The following ADGRG7 variants were observed in gnomAD, a reference collection of about 807,000 sequenced individuals.
The protein encoded by ADGRG7 is adhesion G protein-coupled receptor G7.
ADGRG7 carries 82 observed loss-of-function variants against 88.6 expected under a neutral mutation model. The ratio of observed to expected loss-of-function variants is 0.93; its 90% CI spans 0.77 to 1.11. The LOEUF is 1.11. Among genes scored for constraint, ADGRG7 ranks in the 50% most tolerant of loss-of-function variants. ADGRG7 has a pLI of 0.00. For missense variants in ADGRG7, 945 were observed against 953.4 expected (o/e 0.99, Z 0.12); for synonymous variants, 381 against 345.2 (o/e 1.10, Z -1.15).
Position 100,629,581 on chromosome 3 carries a change from A to G in ADGRG7, c.116-17A>G. 6.4e-7 allele frequency: 1 copy of G among 1,567,972 alleles called. No homozygotes were observed. The highest frequency in any genetic ancestry group is 8.8e-7 in the Non-Finnish European group (1 of 1,138,846). On this transcript the variant is annotated splice_polypyrimidine_tract_variant and intron_variant, in intron 1 of 15. Coordinates refer to ENST00000273352, the MANE Select transcript of ADGRG7 (RefSeq NM_032787.3). Reference sequence around the variant, plus strand: ...TCAGCCAGTTCATGACTATTCTGTTATTTATTGTTTCTTTAGGAAAATCTA... The same window carrying G: ...TCAGCCAGTTCATGACTATTCTGTTGTTTATTGTTTCTTTAGGAAAATCTA...
At chr3:100,692,873 G>A (rs913512834) in intron 15 of ADGRG7, among the ~76,000 whole-genome samples, 4 of 152,098 alleles carry the variant, frequency 2.6e-5, no homozygotes, top group African/African-American at 9.7e-5. Context: ...TAGGAGCTGA[G>A]ACTCTTCATT....
Position 100,655,061 on chromosome 3 carries a change from T to C in ADGRG7, c.1606T>C (p.Phe536Leu). Residue 536 changes from phenylalanine to leucine, a missense_variant, in exon 12 of 16, where the codon TTT becomes CTT. Coordinates refer to ENST00000273352, the MANE Select transcript of ADGRG7 (RefSeq NM_032787.3). ...TGCGATTGCCGCCTTACTGCACTAT[T>C]TTCTGTTAGTGACATTTACCTGGAA... ...CTAIAALLHYFLLVTFTWNAL... is the reference protein window; with the variant it reads ...CTAIAALLHYLLLVTFTWNAL... The C allele has an allele frequency of 6.2e-7, 1 of 1,614,180 alleles. No individual in the cohort carries two copies. Among genetic ancestry groups the C allele is most frequent in the Non-Finnish European group, 8.5e-7 (1 of 1,179,996 alleles).
Position 100,609,842 on chromosome 3 carries a change from T to C in ADGRG7, c.-15T>C, listed in dbSNP as rs1232172838. 1.9e-6 allele frequency: 3 copies of C among 1,598,410 alleles called. No homozygotes were observed. Among genetic ancestry groups the C allele is most frequent in the African/African-American group, 2.7e-5 (2 of 74,534 alleles). On this transcript the variant is annotated 5_prime_UTR_variant, in exon 1 of 16. Transcript: ENST00000273352. ...TATTTCTCACCCAGGAGTGGATTTG[T>C]GGTTTGGCTTCACCATGGCTTCCTG...
chr3:100,610,068 A>C, intron 1 of ADGRG7, 97 bp downstream of exon 1: 1 of 918,152 alleles, frequency 1.1e-6, no homozygotes, highest in Non-Finnish European at 1.7e-6. Flanking sequence ...TACCTTGTCC[A>C]GTCTGAGGCA....
At chr3:100,687,039 A>T (rs556870096) in intron 15 of ADGRG7, among the ~76,000 whole-genome samples, 127 of 152,168 alleles carry the variant, frequency 8.3e-4, no homozygotes, top group African/African-American at 2.8e-3. Context: ...ATTTGTTTGT[A>T]TCCTCTTTTA....
chr3:100,653,137 A>G (rs973756267), intron 11 of ADGRG7, among the ~76,000 whole-genome samples: 1 of 152,224 alleles, frequency 6.6e-6, no homozygotes, highest in Non-Finnish European at 1.5e-5. Context: ...AAGATATGTG[A>G]AATATTGTTA....
chr3:100,672,621 C>T (rs78683642), intron 15 of ADGRG7, among the ~76,000 whole-genome samples: 1 of 152,160 alleles, frequency 6.6e-6, no homozygotes, highest in Non-Finnish European at 1.5e-5. Context: ...AGAGGGGCAT[C>T]CTTGTCTTGT....
intron 6 of ADGRG7, 63 bp downstream of exon 6, chr3:100,637,465 A>G (rs369136715): frequency 3.8e-5 from 40 of 1,043,268 alleles, no homozygotes; most frequent in East Asian, 3.8e-4. Flanking sequence ...CCTAGGCTAA[A>G]GTATTAACAG....
chr3:100,670,717 C>G (rs2094957273), intron 15 of ADGRG7, among the ~76,000 whole-genome samples: 2 of 152,126 alleles, frequency 1.3e-5, no homozygotes, highest in Non-Finnish European at 2.9e-5. Flanking sequence ...CCCTAGCCCC[C>G]CAGCCCCCGA....
Position 100,655,888 on chromosome 3 carries a change from T to A in ADGRG7, c.1727-11T>A. 1 of 1,450,554 alleles carries A rather than the reference T, an allele frequency of 6.9e-7. No homozygotes were observed. The highest frequency in any genetic ancestry group is 1.4e-5 in the African/African-American group (1 of 72,434). The allele number at this position is 1,450,554 out of a possible 1,614,324, so 89.9% of individuals were successfully genotyped here. A position where few individuals can be genotyped will look rare whatever the true frequency, so the allele number is the denominator to read the frequency against. On this transcript the variant is annotated splice_polypyrimidine_tract_variant and intron_variant, in intron 12 of 15. Transcript: ENST00000273352. ...TAAATCATTAATTATGTGCCTCTCTTTATCACATAGGAGTCCCAGCTATAG... is the reference window on the plus strand; with the variant it reads ...TAAATCATTAATTATGTGCCTCTCTATATCACATAGGAGTCCCAGCTATAG...
intron 13 of ADGRG7, among the ~76,000 whole-genome samples, chr3:100,658,534 G>A (rs1210168485): frequency 6.6e-6 from 1 of 152,120 alleles, no homozygotes; most frequent in Non-Finnish European, 1.5e-5. Flanking sequence ...ACTTACTGTG[G>A]TTCAGCCACA....
chr3:100,682,345 A>T (rs1166124982), intron 15 of ADGRG7, among the ~76,000 whole-genome samples: 1 of 152,122 alleles, frequency 6.6e-6, no homozygotes, highest in East Asian at 1.9e-4. Context: ...CGAGATGTAG[A>T]GCTGGGGTCA....
At chr3:100,619,889 C>T (rs975031741) in intron 1 of ADGRG7, among the ~76,000 whole-genome samples, 1 of 152,192 alleles carries the variant, frequency 6.6e-6, no homozygotes, top group African/African-American at 2.4e-5. Context: ...AGACCAATAA[C>T]AGGCTCTGAA....
chr3:100,653,462 A>G (rs962636133), intron 11 of ADGRG7, among the ~76,000 whole-genome samples: 2 of 152,216 alleles, frequency 1.3e-5, no homozygotes, highest in Non-Finnish European at 2.9e-5. Context: ...TCATCTACTA[A>G]TGTGCAGAGT....
chr3:100,654,868 G>T lies in ADGRG7; in HGVS notation c.1413G>T (p.Leu471Phe). 1 of 1,593,830 alleles carries T rather than the reference G, an allele frequency of 6.3e-7. No individual in the cohort carries two copies. The highest frequency in any genetic ancestry group is 8.6e-7 in the Non-Finnish European group (1 of 1,166,196). Residue 471 changes from leucine to phenylalanine, a missense_variant, in exon 12 of 16, where the codon TTG becomes TTT. Coordinates refer to ENST00000273352, the MANE Select transcript of ADGRG7 (RefSeq NM_032787.3). ...GAAAAACCTCAGTAACCTGGGTTTTGGTCAATCTGTGCATATCAATGTTGA... is the reference window on the plus strand; with the variant it reads ...GAAAAACCTCAGTAACCTGGGTTTTTGTCAATCTGTGCATATCAATGTTGA... ...KVRKTSVTWV[L>F]VNLCISMLIF...
chr3:100,686,573 C>T (rs2094983074), intron 15 of ADGRG7, among the ~76,000 whole-genome samples: 1 of 152,172 alleles, frequency 6.6e-6, no homozygotes. Context: ...GGAAGGGATC[C>T]AGTTTCAGCT....
chr3:100,649,612 A>T, intron 10 of ADGRG7, 83 bp from the exon 11 acceptor site: 1 of 681,756 alleles, frequency 1.5e-6, no homozygotes, highest in Non-Finnish European at 2.5e-6. Flanking sequence ...GGTTATTTTG[A>T]CCCATGTAAC....
intron 11 of ADGRG7, among the ~76,000 whole-genome samples, chr3:100,650,080 C>T (rs1407118899): frequency 1.3e-5 from 2 of 152,156 alleles, no homozygotes; most frequent in South Asian, 2.1e-4. Context: ...CTCATTAATG[C>T]TATAATTCCT....
At chr3:100,617,387 A>G (rs1397587852) in intron 1 of ADGRG7, among the ~76,000 whole-genome samples, 1 of 110,876 alleles carries the variant, frequency 9.0e-6, no homozygotes, top group Non-Finnish European at 1.8e-5. Context: ...ACCCCACAAC[A>G]GGCCCTGGTG....
Sources: gnomAD v4.1 joint callset for allele counts (sites outside exome capture counted in the v4.1 genomes callset) on GRCh38, gnomAD v4.1.1 for gene constraint, MANE v1.5 for transcripts, NCBI Gene and HGNC (gene_info 2026-07-23, HGNC 2026-07-21) for gene names.